PCDHGC3: variants seen among roughly 807,000 people sequenced by gnomAD.
The protein encoded by PCDHGC3 is protocadherin gamma subfamily C, 3, also known as protocadherin gamma-C3.
A neutral mutation model predicts 59.2 loss-of-function variants in PCDHGC3; 26 were observed. The ratio of observed to expected loss-of-function variants is 0.44; its 90% CI spans 0.32 to 0.61. The LOEUF (loss-of-function observed/expected upper bound fraction) is 0.61. Ranked by LOEUF, PCDHGC3 falls within the 20% of genes least tolerant of loss-of-function variation. The pLI, the probability that PCDHGC3 is intolerant of heterozygous loss-of-function variation, is 0.05. For missense variants in PCDHGC3, 1,080 were observed against 1,221.8 expected (o/e 0.88, Z 1.73); for synonymous variants, 487 against 519.7 (o/e 0.94, Z 0.86).
chr5:141,482,135 G>T (rs987110875), intron 1 of PCDHGC3, among the ~76,000 whole-genome samples: 1 of 151,836 alleles, frequency 6.6e-6, no homozygotes, highest in African/African-American at 2.4e-5. Context: ...CATATGGCTG[G>T]CATAAAAAGG....
rs770093591 is a variant in PCDHGC3 at position 141,486,147 on chromosome 5, G to T, written c.2430+7601G>T. ...GAATTTGATGTGCGGGCTCGCGATG[G>T]GGGTTCTCCAGCCATGGAGCAACAT... On this transcript the variant is annotated intron_variant, in intron 1 of 3. Transcript: ENST00000308177. This position sits in a 1 kb window ranked among gnomAD's most constrained non-coding sequence, Gnocchi z 5.0. The T allele has an allele frequency of 6.2e-7, 1 of 1,614,168 alleles. No individual in the cohort carries two copies. The highest frequency in any genetic ancestry group is 1.7e-5 in the Admixed American group (1 of 60,028).
At position 141,487,249 on chromosome 5, in the gene PCDHGC3, C is replaced by T. The variant is rs757148469; in HGVS notation, c.2431-7558C>T. ...AAGGAGAATCTCGTCTAACCCTCTACTTGGCTGTGTCCCTAGTGGCAATTT... is the reference window on the plus strand; with the variant it reads ...AAGGAGAATCTCGTCTAACCCTCTATTTGGCTGTGTCCCTAGTGGCAATTT... On this transcript the variant is annotated intron_variant, in intron 1 of 3. Coordinates refer to ENST00000308177, the MANE Select transcript of PCDHGC3 (RefSeq NM_002588.4). The surrounding 1 kb of genome is among the most constrained non-coding windows in gnomAD (Gnocchi z 5.0). 2.5e-6 allele frequency: 4 copies of T among 1,614,164 alleles called. No homozygotes were observed. In the South Asian group the frequency reaches 4.4e-5, roughly 18 times the overall value.
At chr5:141,496,236 C>T (rs1290509264) in intron 2 of PCDHGC3, among the ~76,000 whole-genome samples, 7 of 152,138 alleles carry the variant, frequency 4.6e-5, no homozygotes, top group Middle Eastern at 3.2e-3. Flanking sequence ...GAACCCCCTG[C>T]GGGCTGAAGG....
In PCDHGC3 at chr5:141,487,120, T is replaced by C. The variant is rs1342042604; in HGVS notation, c.2431-7687T>C. 1.9e-6 allele frequency: 3 copies of C among 1,613,948 alleles called. No homozygotes were observed. Among genetic ancestry groups the C allele is most frequent in the Admixed American group, 1.7e-5 (1 of 60,028 alleles). ...AGAAGCTGGTCATTGTGGTAAAGGA[T>C]AGTGGTAGTCCACCACTCTCTACCT... On this transcript the variant is annotated intron_variant, in intron 1 of 3. Coordinates refer to ENST00000308177, the MANE Select transcript of PCDHGC3 (RefSeq NM_002588.4). The surrounding 1 kb of genome is among the most constrained non-coding windows in gnomAD (Gnocchi z 5.0).
chr5:141,490,061 A>T lies in PCDHGC3; in HGVS notation c.2431-4746A>T. The stretch of plus-strand genomic sequence containing the variant: ...GCCACTGATCCAGACGAGGGCACCA[A>T]CGGCCAACTAGACTATTCTTTTGGA... On this transcript the variant is annotated intron_variant, in intron 1 of 3. Transcript: ENST00000308177. This position sits in a 1 kb window ranked among gnomAD's most constrained non-coding sequence, Gnocchi z 5.4. 1 of 1,614,214 alleles carries T rather than the reference A, an allele frequency of 6.2e-7. No homozygotes were observed. The highest frequency in any genetic ancestry group is 8.5e-7 in the Non-Finnish European group (1 of 1,180,030).
rs575250872 is a variant in PCDHGC3, at chr5:141,490,163, T to C, written c.2431-4644T>C. ...GGGGCAATCCATGTGTTGGGTCCCA[T>C]AGACTTTGAGGAGTCACGTTTCTAT... On this transcript the variant is annotated intron_variant, in intron 1 of 3. Transcript: ENST00000308177. This position sits in a 1 kb window ranked among gnomAD's most constrained non-coding sequence, Gnocchi z 5.4. 2 of 1,614,234 alleles carry C rather than the reference T, an allele frequency of 1.2e-6. No homozygotes were observed. The highest frequency in any genetic ancestry group is 2.2e-5 in the East Asian group (1 of 44,886).
In PCDHGC3 at chr5:141,502,614, T is replaced by C. The variant is rs534996288; in HGVS notation, c.2490-2779T>C. Among the ~76,000 whole-genome samples the C allele has an allele frequency of 7.2e-5, 11 of 152,316 alleles. No homozygotes were observed. In the East Asian group the frequency reaches 1.7e-3, roughly 24 times the overall value. ...AGATATTTTAAAATATTTGTGAAAATATAAGTAATCTGTGGATGATACTTT... is the reference window on the plus strand; with the variant it reads ...AGATATTTTAAAATATTTGTGAAAACATAAGTAATCTGTGGATGATACTTT... On this transcript the variant is annotated intron_variant, in intron 2 of 3. Transcript: ENST00000308177.
Position 141,485,842 on chromosome 5 carries a change from T to G in PCDHGC3, c.2430+7296T>G. 4 of 1,614,002 alleles carry G rather than the reference T, an allele frequency of 2.5e-6. No homozygotes were observed. The highest frequency in any genetic ancestry group is 3.4e-6 in the Non-Finnish European group (4 of 1,179,982). On this transcript the variant is annotated intron_variant, in intron 1 of 3. Coordinates refer to ENST00000308177, the MANE Select transcript of PCDHGC3 (RefSeq NM_002588.4). The surrounding 1 kb of genome is among the most constrained non-coding windows in gnomAD (Gnocchi z 5.7). ...TCGATGGAGGGAACCCGCCGAGATC[T>G]GGCACCGCAGAGCTCCGGGTATCCG...
Position 141,490,070 on chromosome 5 carries a change from T to C in PCDHGC3, c.2431-4737T>C, listed in dbSNP as rs2099695766. ...CCAGACGAGGGCACCAACGGCCAAC[T>C]AGACTATTCTTTTGGAGACCACACA... On this transcript the variant is annotated intron_variant, in intron 1 of 3. Transcript: ENST00000308177. The surrounding 1 kb of genome is among the most constrained non-coding windows in gnomAD (Gnocchi z 5.4). The C allele has an allele frequency of 6.2e-7, 1 of 1,614,198 alleles. No individual in the cohort carries two copies.
rs1280923293 is a variant in PCDHGC3 at position 141,478,837 on chromosome 5, G to A, written c.2430+291G>A. ...AACTAACCAATCTTGCTAAGGGATG[G>A]TTAAGCTAAAACACAAGATCTCAGC... is the stretch of plus-strand genomic sequence containing the variant. On this transcript the variant is annotated intron_variant, in intron 1 of 3. Transcript: ENST00000308177. 3.5e-6 allele frequency: 5 copies of A among 1,428,112 alleles called. No homozygotes were observed. The African/African-American group carries it at 5.8e-5, about 16-fold the overall frequency. The allele number at this position is 1,428,112 out of a possible 1,614,324, so 88.5% of individuals were successfully genotyped here.
At position 141,490,171 on chromosome 5, in the gene PCDHGC3, G is replaced by A. The variant is rs374421995; in HGVS notation, c.2431-4636G>A. 4 of 1,614,100 alleles carry A rather than the reference G, an allele frequency of 2.5e-6. No individual in the cohort carries two copies. The highest frequency in any genetic ancestry group is 3.4e-6 in the Non-Finnish European group (4 of 1,180,034). On this transcript the variant is annotated intron_variant, in intron 1 of 3. Coordinates refer to ENST00000308177, the MANE Select transcript of PCDHGC3 (RefSeq NM_002588.4). The surrounding 1 kb of genome is among the most constrained non-coding windows in gnomAD (Gnocchi z 5.4). ...CCATGTGTTGGGTCCCATAGACTTT[G>A]AGGAGTCACGTTTCTATGAAATTCA...
chr5:141,476,979 G>C lies in PCDHGC3; in HGVS notation c.863G>C (p.Arg288Pro). Residue 288 changes from arginine (R) to proline (P), a missense_variant, in exon 1 of 4, where the codon CGC becomes CCC. Arg to Pro is a moderately radical substitution (Grantham distance 103). Coordinates refer to ENST00000308177, the MANE Select transcript of PCDHGC3 (RefSeq NM_002588.4). The surrounding 1 kb of genome is among the most constrained non-coding windows in gnomAD (Gnocchi z 7.6). ...EIIYSFGSHN[R>P]AGVRQLFALD... Reference sequence around the variant, plus strand: ...ATTTACTCCTTCGGCAGCCACAACCGCGCCGGCGTGCGGCAACTATTCGCC... The same window carrying C: ...ATTTACTCCTTCGGCAGCCACAACCCCGCCGGCGTGCGGCAACTATTCGCC... 1 of 1,614,238 alleles carries C rather than the reference G, an allele frequency of 6.2e-7. No homozygotes were observed. The highest frequency in any genetic ancestry group is 1.3e-5 in the African/African-American group (1 of 75,074).
In PCDHGC3 at chr5:141,486,043, A is replaced by G. The variant is rs1193580610; in HGVS notation, c.2430+7497A>G. 6.2e-7 allele frequency: 1 copy of G among 1,614,050 alleles called. No homozygotes were observed. Among genetic ancestry groups the G allele is most frequent in the African/African-American group, 1.3e-5 (1 of 74,918 alleles). ...GTGGTCATACCCCTGATCGTGTAAG[A>G]AACCTCTTTAGCCTGCACCCCACTA... On this transcript the variant is annotated intron_variant, in intron 1 of 3. Transcript: ENST00000308177. This position sits in a 1 kb window ranked among gnomAD's most constrained non-coding sequence, Gnocchi z 5.0.
At chr5:141,492,404 T>C (rs944864208) in intron 1 of PCDHGC3, among the ~76,000 whole-genome samples, 9 of 152,316 alleles carry the variant, frequency 5.9e-5, no homozygotes, top group African/African-American at 1.9e-4. Context: ...GCAGCTCCCC[T>C]CTGCCGCTCC....
At chr5:141,508,823 G>A (rs1445894402) in intron 3 of PCDHGC3, among the ~76,000 whole-genome samples, 1 of 151,966 alleles carries the variant, frequency 6.6e-6, no homozygotes, top group Admixed American at 6.6e-5. Flanking sequence ...GCCAGATCTG[G>A]GCCCCCCTCC....
At position 141,487,276 on chromosome 5, in the gene PCDHGC3, C is replaced by G; in HGVS notation, c.2431-7531C>G. On this transcript the variant is annotated intron_variant, in intron 1 of 3. Coordinates refer to ENST00000308177, the MANE Select transcript of PCDHGC3 (RefSeq NM_002588.4). The surrounding 1 kb of genome is among the most constrained non-coding windows in gnomAD (Gnocchi z 5.0). ...TGGCTGTGTCCCTAGTGGCAATTTG[C>G]TTTGTCTCCTTTGGCTCATTCGTGG... 1 of 1,614,158 alleles carries G rather than the reference C, an allele frequency of 6.2e-7. No homozygotes were observed. The highest frequency in any genetic ancestry group is 1.1e-5 in the South Asian group (1 of 91,082).
rs201111122 is a variant in PCDHGC3, at chr5:141,478,161, C to T, written c.2045C>T (p.Ala682Val). 1.2e-5 allele frequency: 20 copies of T among 1,613,852 alleles called. No homozygotes were observed. Among genetic ancestry groups the T allele is most frequent in the Admixed American group, 3.3e-5 (2 of 60,018 alleles). Residue 682 changes from alanine to valine, a missense_variant, in exon 1 of 4, where the codon GCC becomes GTC. Coordinates refer to ENST00000308177, the MANE Select transcript of PCDHGC3 (RefSeq NM_002588.4). ...CGAGCCGAGTTCCCCTCTGGCTCTG[C>T]CCCCCGGGAGCAGAAAAAAAATCTC... ...EARAEFPSGS[A>V]PREQKKNLTF...
In PCDHGC3 at chr5:141,511,149, G is replaced by T; in HGVS notation, c.2781G>T (p.Lys927Asn). The change falls in exon 4 of 4, where the codon AAG becomes AAT. Residue 927 changes from lysine to asparagine, a missense_variant. By Grantham distance (94) the Lys-to-Asn change is moderately conservative. Transcript: ENST00000308177. ...APAGGNGNKKKSGKKEKK is the reference protein window; with the variant it reads ...APAGGNGNKKNSGKKEKK The stretch of plus-strand genomic sequence containing the variant: ...CAGGTGGCAATGGCAACAAGAAGAA[G>T]TCGGGCAAGAAGGAGAAGAAGTAAC... 1 of 1,614,176 alleles carries T rather than the reference G, an allele frequency of 6.2e-7. No homozygotes were observed. The highest frequency in any genetic ancestry group is 8.5e-7 in the Non-Finnish European group (1 of 1,179,998).
In PCDHGC3 at chr5:141,489,734, A is replaced by G; in HGVS notation, c.2431-5073A>G. The G allele has an allele frequency of 6.2e-7, 1 of 1,614,164 alleles. No individual in the cohort carries two copies. Among genetic ancestry groups the G allele is most frequent in the Non-Finnish European group, 8.5e-7 (1 of 1,180,028 alleles). On this transcript the variant is annotated intron_variant, in intron 1 of 3. Transcript: ENST00000308177. This position sits in a 1 kb window ranked among gnomAD's most constrained non-coding sequence, Gnocchi z 4.5. ...GCCCAGGATCCGGATGTGGGCACCAATACTGTGAGCTTTTACACTCTAAGC... is the reference window on the plus strand; with the variant it reads ...GCCCAGGATCCGGATGTGGGCACCAGTACTGTGAGCTTTTACACTCTAAGC...
Sources: allele counts gnomAD v4.1 joint callset (sites outside exome capture counted in the v4.1 genomes callset), GRCh38; gene constraint gnomAD v4.1.1; non-coding constraint Gnocchi (gnomAD v3.1); transcripts MANE v1.5; gene names NCBI Gene and HGNC (gene_info 2026-07-23, HGNC 2026-07-21).